SLC7A14: variants seen among roughly 807,000 people sequenced by gnomAD.
SLC7A14 encodes solute carrier family 7 member 14.
Under a neutral mutation model 60.2 loss-of-function variants are expected in SLC7A14, and 37 were observed. The ratio of observed to expected loss-of-function variants is 0.61; its 90% CI spans 0.47 to 0.81. The LOEUF is 0.81. Among genes scored for constraint, SLC7A14 ranks in the 30% least tolerant of loss-of-function variants. SLC7A14 has a pLI of 0.00. For synonymous variants in SLC7A14, 399 were observed against 395.8 expected (o/e 1.01, Z -0.10); for missense variants, 886 against 982.7 (o/e 0.90, Z 1.32).
intron 4 of SLC7A14, among the ~76,000 whole-genome samples, chr3:170,496,798 G>T (rs184843640): frequency 1.3e-5 from 2 of 152,212 alleles, no homozygotes; most frequent in South Asian, 2.1e-4. Context: ...CAGCCGCACC[G>T]GCTCCGCCAG....
At position 170,462,450 on chromosome 3, in the gene SLC7A14, A is replaced by G. The variant is rs1400493457; in HGVS notation, c.*4605T>C. 3.9e-5 allele frequency: 6 copies of G among 152,314 alleles called. No individual in the cohort carries two copies. The highest frequency in any genetic ancestry group is 1.3e-4 in the Admixed American group (2 of 15,298). 9.4% of individuals were successfully genotyped at this position (152,314 alleles called of 1,614,324 possible). A position where few individuals can be genotyped will look rare whatever the true frequency, so the allele number is the denominator to read the frequency against. On this transcript the variant is annotated 3_prime_UTR_variant, in exon 8 of 8. Transcript: ENST00000231706. Reference sequence around the variant, plus strand: ...TTGTTTTTCAATAATTACTAGATTTATATTCTGGCTGACCTATAGATTCTG... The same window carrying G: ...TTGTTTTTCAATAATTACTAGATTTGTATTCTGGCTGACCTATAGATTCTG...
intron 1 of SLC7A14, among the ~76,000 whole-genome samples, chr3:170,561,800 A>C (rs1714660848): frequency 6.6e-6 from 1 of 152,210 alleles, no homozygotes; most frequent in African/African-American, 2.4e-5. Context: ...GCAAGAAAAA[A>C]AACAAACTAT....
chr3:170,582,855 A>G (rs923565084), intron 1 of SLC7A14, among the ~76,000 whole-genome samples: 3 of 152,202 alleles, frequency 2.0e-5, no homozygotes, highest in African/African-American at 7.2e-5. Context: ...ATGAGACTTT[A>G]CTATGAGCTG....
chr3:170,501,925 T>G (rs920851952), intron 2 of SLC7A14, among the ~76,000 whole-genome samples: 1 of 152,240 alleles, frequency 6.6e-6, no homozygotes, highest in African/African-American at 2.4e-5. Context: ...ACCATGTGCA[T>G]GGCAGGGTGT....
At chr3:170,558,280 A>C (rs1479060553) in intron 1 of SLC7A14, among the ~76,000 whole-genome samples, 1 of 152,220 alleles carries the variant, frequency 6.6e-6, no homozygotes, top group Non-Finnish European at 1.5e-5. Flanking sequence ...AGACAGGAGA[A>C]TCGCTTGAAC....
intron 1 of SLC7A14, among the ~76,000 whole-genome samples, chr3:170,568,187 A>C (rs1714846703): frequency 6.6e-6 from 1 of 152,114 alleles, no homozygotes. Flanking sequence ...ATTTTTGTAT[A>C]AGGTGTAAGG....
At chr3:170,507,269 A>G (rs567298267) in intron 2 of SLC7A14, among the ~76,000 whole-genome samples, 1 of 152,344 alleles carries the variant, frequency 6.6e-6, no homozygotes, top group Admixed American at 6.5e-5. Flanking sequence ...AGGAAGTGCA[A>G]TGAATGACAG....
chr3:170,546,624 CCAAA>C (rs888772072), intron 1 of SLC7A14, among the ~76,000 whole-genome samples: 2 of 152,136 alleles, frequency 1.3e-5, no homozygotes, highest in Admixed American at 6.5e-5. Flanking sequence ...CTTCCTGCTC[CCAAA>C]CAATCAGATC....
intron 2 of SLC7A14, among the ~76,000 whole-genome samples, chr3:170,519,383 C>T (rs545086790): frequency 6.6e-6 from 1 of 152,312 alleles, no homozygotes; most frequent in South Asian, 2.1e-4. Flanking sequence ...ATTTAGAGGA[C>T]TATACTTCTC....
intron 4 of SLC7A14, among the ~76,000 whole-genome samples, chr3:170,494,371 G>C (rs1477874088): frequency 1.3e-5 from 2 of 152,222 alleles, no homozygotes; most frequent in Non-Finnish European, 2.9e-5. Flanking sequence ...GAAAGTTAGT[G>C]AGAACCCAGG....
chr3:170,530,948 T>C (rs1426655679), intron 1 of SLC7A14, among the ~76,000 whole-genome samples: 1 of 151,988 alleles, frequency 6.6e-6, no homozygotes, highest in African/African-American at 2.4e-5. Context: ...TTTTGAGGGG[T>C]GGTGAATGGT....
chr3:170,575,457 G>C (rs1715064650), intron 1 of SLC7A14, among the ~76,000 whole-genome samples: 1 of 152,192 alleles, frequency 6.6e-6, no homozygotes, highest in Non-Finnish European at 1.5e-5. Context: ...AGAGAATGCT[G>C]TATGTAGAAG....
chr3:170,575,490 G>T (rs1472612306), intron 1 of SLC7A14, among the ~76,000 whole-genome samples: 1 of 152,168 alleles, frequency 6.6e-6, no homozygotes, highest in East Asian at 1.9e-4. Flanking sequence ...TAGAAGCAGG[G>T]TCTTATCTAT....
chr3:170,536,094 G>A (rs1345417344), intron 1 of SLC7A14, among the ~76,000 whole-genome samples: 1 of 152,156 alleles, frequency 6.6e-6, no homozygotes, highest in Non-Finnish European at 1.5e-5. Context: ...CCTTGGGTTT[G>A]TATCTTAAAA....
At chr3:170,470,199 C>T (rs1342378884) in intron 7 of SLC7A14, among the ~76,000 whole-genome samples, 1 of 152,084 alleles carries the variant, frequency 6.6e-6, no homozygotes, top group East Asian at 1.9e-4. Flanking sequence ...TAGTCCTTCA[C>T]ACCTCCTCTC....
At chr3:170,479,740 A>G (rs1711747281) in intron 7 of SLC7A14, among the ~76,000 whole-genome samples, 1 of 152,232 alleles carries the variant, frequency 6.6e-6, no homozygotes, top group Non-Finnish European at 1.5e-5. Flanking sequence ...ATATTTTACA[A>G]AAGTCAGTAT....
At chr3:170,559,556 A>G (rs1237727605) in intron 1 of SLC7A14, among the ~76,000 whole-genome samples, 1 of 152,126 alleles carries the variant, frequency 6.6e-6, no homozygotes, top group Non-Finnish European at 1.5e-5. Context: ...TGGCAAATTT[A>G]TTTTCACCCT....
intron 1 of SLC7A14, among the ~76,000 whole-genome samples, chr3:170,578,644 A>C (rs1715160966): frequency 6.6e-6 from 1 of 152,242 alleles, no homozygotes; most frequent in South Asian, 2.1e-4. Context: ...ATTAGCTATC[A>C]TTATCATTAT....
At chr3:170,571,523 T>C (rs1267155998) in intron 1 of SLC7A14, among the ~76,000 whole-genome samples, 2 of 152,142 alleles carry the variant, frequency 1.3e-5, no homozygotes, top group Non-Finnish European at 2.9e-5. Context: ...ACCAAAACAA[T>C]AAATCTTGAA....
Sources: allele counts gnomAD v4.1 joint callset (sites outside exome capture counted in the v4.1 genomes callset), GRCh38; gene constraint gnomAD v4.1.1; transcripts MANE v1.5; gene names NCBI Gene and HGNC (gene_info 2026-07-23, HGNC 2026-07-21).